Variants in AGBL4 observed in about 807,000 individuals in gnomAD.
The protein encoded by AGBL4 is cytosolic carboxypeptidase 6.
A neutral mutation model predicts 66.4 loss-of-function variants in AGBL4; 58 were observed. The observed-to-expected ratio is 0.87, with a 90% CI of 0.71 to 1.09. AGBL4 has a LOEUF of 1.09. AGBL4 is among the 50% of genes least tolerant of loss of function. The pLI is 0.00. For missense variants in AGBL4, 579 were observed against 631.0 expected (o/e 0.92, Z 0.88); for synonymous variants, 234 against 222.9 (o/e 1.05, Z -0.44).
At chr1:49,404,690 T>A (rs1645159368) in intron 3 of AGBL4, among the ~76,000 whole-genome samples, 1 of 152,202 alleles carries the variant, frequency 6.6e-6, no homozygotes, top group Admixed American at 6.5e-5. Context: ...AATTATGAAT[T>A]CTTTATGTCA....
chr1:48,994,194 C>T (rs1346580201), intron 5 of AGBL4, among the ~76,000 whole-genome samples: 4 of 152,146 alleles, frequency 2.6e-5, no homozygotes, highest in African/African-American at 4.8e-5. Flanking sequence ...GAATGTCCCA[C>T]GTAATTTCAC....
chr1:49,024,144 AG>A (rs1184579104), intron 5 of AGBL4, among the ~76,000 whole-genome samples: 1 of 152,188 alleles, frequency 6.6e-6, no homozygotes, highest in Non-Finnish European at 1.5e-5. Context: ...AGATAATCAT[AG>A]ATAGTGTATC....
At chr1:48,867,452 G>C (rs1350214863) in intron 5 of AGBL4, among the ~76,000 whole-genome samples, 1 of 139,498 alleles carries the variant, frequency 7.2e-6, no homozygotes, top group East Asian at 3.0e-4. Flanking sequence ...GGTGGTTAGA[G>C]CTTAGAGGTC....
intron 3 of AGBL4, among the ~76,000 whole-genome samples, chr1:49,608,350 A>G (rs1558097088): frequency 6.6e-6 from 1 of 152,198 alleles, no homozygotes; most frequent in Non-Finnish European, 1.5e-5. Flanking sequence ...ATGAATTAGA[A>G]AGTCATTGGC....
intron 3 of AGBL4, among the ~76,000 whole-genome samples, chr1:49,365,576 CTTA>C (rs1283141921): frequency 2.7e-5 from 4 of 150,648 alleles, no homozygotes; most frequent in East Asian, 2.0e-4. Context: ...ATGATAATGA[CTTA>C]TTATTATCAT....
At chr1:49,138,582 G>A (rs1233729759) in intron 4 of AGBL4, among the ~76,000 whole-genome samples, 2 of 152,084 alleles carry the variant, frequency 1.3e-5, no homozygotes, top group African/African-American at 4.8e-5. Context: ...GGTTGTCAAA[G>A]GCAATGCTGT....
intron 6 of AGBL4, among the ~76,000 whole-genome samples, chr1:48,753,083 T>C (rs1014719077): frequency 6.6e-6 from 1 of 152,232 alleles, no homozygotes; most frequent in African/African-American, 2.4e-5. Context: ...TAGCTGATAC[T>C]ATCATTCACT....
intron 2 of AGBL4, chr1:49,845,535 G>C: frequency 1.3e-6 from 2 of 1,590,624 alleles, no homozygotes; most frequent in Non-Finnish European, 1.7e-6. Context: ...TCCATAGCTA[G>C]TCCTTGACCA....
chr1:49,807,793 G>A (rs1477520897), intron 2 of AGBL4, among the ~76,000 whole-genome samples: 2 of 152,160 alleles, frequency 1.3e-5, no homozygotes, highest in East Asian at 1.9e-4. Flanking sequence ...GTTCAGAGGT[G>A]AGGAATTTTG....
At chr1:48,579,754 C>CAA (rs542996148) in intron 11 of AGBL4, among the ~76,000 whole-genome samples, 479 of 124,836 alleles carry the variant, frequency 3.8e-3, no homozygotes, top group Admixed American at 7.2e-3. Context: ...ACTAAAAATA[C>CAA]AAAAAAAAAA....
chr1:49,566,565 C>T (rs896668355), intron 3 of AGBL4, among the ~76,000 whole-genome samples: 5 of 152,190 alleles, frequency 3.3e-5, no homozygotes, highest in African/African-American at 1.2e-4. Flanking sequence ...GAGGTCCACT[C>T]CAGACCCTGT....
intron 5 of AGBL4, among the ~76,000 whole-genome samples, chr1:48,870,185 T>C (rs1648508680): frequency 6.6e-6 from 1 of 152,074 alleles, no homozygotes; most frequent in Non-Finnish European, 1.5e-5. Flanking sequence ...TCACACTTTG[T>C]TCTTCCAATG....
At chr1:49,724,810 C>T (rs540900135) in intron 2 of AGBL4, among the ~76,000 whole-genome samples, 9 of 152,076 alleles carry the variant, frequency 5.9e-5, no homozygotes, top group African/African-American at 1.2e-4. Context: ...CATGCGAGGA[C>T]GTGGCAAGAA....
intron 4 of AGBL4, among the ~76,000 whole-genome samples, chr1:49,103,513 G>A (rs965575695): frequency 5.3e-5 from 8 of 152,194 alleles, no homozygotes; most frequent in African/African-American, 1.7e-4. Flanking sequence ...AAATGCACAT[G>A]AGACTGCCCA....
chr1:49,754,665 G>C (rs1304257326), intron 2 of AGBL4, among the ~76,000 whole-genome samples: 1 of 152,210 alleles, frequency 6.6e-6, no homozygotes. Context: ...AGAAGGTACA[G>C]GGGTCAGGAA....
intron 2 of AGBL4, among the ~76,000 whole-genome samples, chr1:49,748,446 T>C (rs1312709807): frequency 6.6e-6 from 1 of 152,188 alleles, no homozygotes; most frequent in Admixed American, 6.5e-5. Flanking sequence ...ACCTTAGCTA[T>C]TGTGAATACC....
At chr1:49,122,086 A>G (rs2148047245) in intron 4 of AGBL4, among the ~76,000 whole-genome samples, 1 of 152,336 alleles carries the variant, frequency 6.6e-6, no homozygotes, top group Middle Eastern at 3.4e-3. Flanking sequence ...TTTGGGTGGA[A>G]GTGTCCCATT....
intron 9 of AGBL4, among the ~76,000 whole-genome samples, chr1:48,615,200 G>A (rs1446213784): frequency 6.6e-6 from 1 of 152,142 alleles, no homozygotes. Context: ...AAAAGTAAAG[G>A]TTTTAAGCAA....
chr1:49,777,045 A>T (rs1644215031), intron 2 of AGBL4, among the ~76,000 whole-genome samples: 1 of 152,172 alleles, frequency 6.6e-6, no homozygotes, highest in Admixed American at 6.5e-5. Flanking sequence ...GTTGAACAAG[A>T]AAGGACCATA....
Sources: gnomAD v4.1 joint callset for allele counts (sites outside exome capture counted in the v4.1 genomes callset) on GRCh38, gnomAD v4.1.1 for gene constraint, MANE v1.5 for transcripts, NCBI Gene and HGNC (gene_info 2026-07-23, HGNC 2026-07-21) for gene names.